The following PTBP2 variants were observed in gnomAD, a reference collection of about 807,000 sequenced individuals.
PTBP2 encodes polypyrimidine tract-binding protein 2.
PTBP2 carries 13 observed loss-of-function variants against 61.4 expected under a neutral mutation model. The ratio of observed to expected loss-of-function variants is 0.21; its 90% CI spans 0.14 to 0.34. PTBP2 has a LOEUF of 0.34. Ranked by LOEUF, PTBP2 falls within the 10% of genes least tolerant of loss-of-function variation. The pLI is 1.00. For missense variants in PTBP2, 405 were observed against 642.6 expected (o/e 0.63, Z 4.00); for synonymous variants, 215 against 218.5 (o/e 0.98, Z 0.14).
chr1:96,754,028 A>G (rs533677937), intron 3 of PTBP2, among the ~76,000 whole-genome samples: 5 of 152,306 alleles, frequency 3.3e-5, no homozygotes, highest in Admixed American at 2.6e-4. Flanking sequence ...TGAATAAAAT[A>G]TATCAACTTA....
chr1:96,781,875 C>T (rs1480384254), intron 7 of PTBP2, among the ~76,000 whole-genome samples: 1 of 151,892 alleles, frequency 6.6e-6, no homozygotes, highest in African/African-American at 2.4e-5. Context: ...AAGAAAACAC[C>T]TTAATACCTT....
chr1:96,751,542 G>C (rs759270696), intron 3 of PTBP2, 42 bp downstream of exon 3: 1 of 1,467,034 alleles, frequency 6.8e-7, no homozygotes, highest in South Asian at 1.2e-5. Flanking sequence ...TGCCATTTTA[G>C]GGGGCAGAAT....
intron 5 of PTBP2, among the ~76,000 whole-genome samples, chr1:96,774,742 CCAGTACGTAT>C (rs1240734632): frequency 6.6e-6 from 1 of 152,130 alleles, no homozygotes; most frequent in East Asian, 1.9e-4. Context: ...GCTAGTACAG[CCAGTACGTAT>C]CTTTCTCAAA....
At chr1:96,739,688 G>A (rs940492569) in intron 2 of PTBP2, among the ~76,000 whole-genome samples, 1 of 142,214 alleles carries the variant, frequency 7.0e-6, no homozygotes, top group South Asian at 2.3e-4. Flanking sequence ...GTGCAGTGGC[G>A]CGATCTCTGC....
At chr1:96,754,761 T>C (rs1654966479) in intron 3 of PTBP2, among the ~76,000 whole-genome samples, 2 of 152,180 alleles carry the variant, frequency 1.3e-5, no homozygotes, top group Non-Finnish European at 1.5e-5. Flanking sequence ...GGAGAAAAAG[T>C]AGACTTCCAA....
intron 2 of PTBP2, 71 bp from the exon 3 acceptor site, chr1:96,751,354 A>T: frequency 3.4e-6 from 4 of 1,188,642 alleles, no homozygotes; most frequent in South Asian, 2.5e-5. Flanking sequence ...TTGACATTTA[A>T]GTGAAAGGCT....
In PTBP2 at chr1:96,721,790, C is replaced by T; in HGVS notation, c.-75C>T. ...GCAATTTCCGTCGGGCCCCAGCCGC[C>T]ATTTTCTCGCCGCTTGTGTGGCTCG... On this transcript the variant is annotated 5_prime_UTR_variant, in exon 1 of 14. Transcript: ENST00000674951. 5.8e-6 allele frequency: 9 copies of T among 1,544,444 alleles called. No homozygotes were observed. Among genetic ancestry groups the T allele is most frequent in the Non-Finnish European group, 7.9e-6 (9 of 1,142,446 alleles).
At chr1:96,749,249 A>C (rs1177896321) in intron 2 of PTBP2, among the ~76,000 whole-genome samples, 1 of 152,162 alleles carries the variant, frequency 6.6e-6, no homozygotes, top group East Asian at 1.9e-4. Context: ...TCGTCTTCCA[A>C]AGTTACTTGT....
chr1:96,763,341 C>T (rs913495162), intron 3 of PTBP2, among the ~76,000 whole-genome samples: 8 of 152,154 alleles, frequency 5.3e-5, no homozygotes, highest in East Asian at 1.9e-4. Context: ...CTCGGGAGGC[C>T]GAGGCTGGCG....
chr1:96,759,799 AT>A (rs1436787096), intron 3 of PTBP2, among the ~76,000 whole-genome samples: 3 of 152,198 alleles, frequency 2.0e-5, no homozygotes, highest in African/African-American at 7.2e-5. Context: ...GTATTAGTCC[AT>A]TTTCATGCTG....
intron 9 of PTBP2, among the ~76,000 whole-genome samples, chr1:96,805,307 TTG>T (rs1205725176): frequency 6.6e-6 from 1 of 152,206 alleles, no homozygotes; most frequent in Non-Finnish European, 1.5e-5. Flanking sequence ...TTCTAATTAT[TTG>T]CTTGTTCATT....
intron 2 of PTBP2, among the ~76,000 whole-genome samples, chr1:96,738,404 G>C (rs1268291669): frequency 6.6e-6 from 1 of 152,042 alleles, no homozygotes; most frequent in African/African-American, 2.4e-5. Flanking sequence ...CTCCCGAGTA[G>C]CTGGGACTGC....
chr1:96,809,694 A>T (rs946770895), intron 11 of PTBP2, among the ~76,000 whole-genome samples: 5 of 152,060 alleles, frequency 3.3e-5, no homozygotes, highest in Middle Eastern at 3.2e-3. Flanking sequence ...TATTATTATT[A>T]TTTTTTGTAG....
At chr1:96,744,940 T>A (rs1653551459) in intron 2 of PTBP2, among the ~76,000 whole-genome samples, 1 of 152,210 alleles carries the variant, frequency 6.6e-6, no homozygotes, top group Non-Finnish European at 1.5e-5. Context: ...ATGTTTTATG[T>A]CTGTTTTCAG....
chr1:96,795,069 G>T (rs2101123161), intron 8 of PTBP2, among the ~76,000 whole-genome samples: 1 of 152,208 alleles, frequency 6.6e-6, no homozygotes. Context: ...TTAGATGTTT[G>T]GCTTTTTTCA....
At chr1:96,728,821 T>C (rs1489599245) in intron 2 of PTBP2, among the ~76,000 whole-genome samples, 1 of 152,008 alleles carries the variant, frequency 6.6e-6, no homozygotes, top group Non-Finnish European at 1.5e-5. Flanking sequence ...AAGCATTTTT[T>C]TTTTTTTTTT....
At chr1:96,726,881 C>G (rs886520581) in intron 2 of PTBP2, among the ~76,000 whole-genome samples, 1 of 152,118 alleles carries the variant, frequency 6.6e-6, no homozygotes, top group Admixed American at 6.5e-5. Context: ...CCGCGTCCGG[C>G]CCATATCTTG....
intron 8 of PTBP2, among the ~76,000 whole-genome samples, chr1:96,795,522 A>G (rs910674460): frequency 5.3e-5 from 8 of 152,180 alleles, no homozygotes; most frequent in Non-Finnish European, 1.0e-4. Flanking sequence ...AGGTATAAGA[A>G]AGCAAGAGGA....
In PTBP2 at chr1:96,813,325, C is replaced by G; in HGVS notation, c.1516C>G (p.Gln506Glu). 1.2e-6 allele frequency: 2 copies of G among 1,609,264 alleles called. No homozygotes were observed. Among genetic ancestry groups the G allele is most frequent in the Non-Finnish European group, 1.7e-6 (2 of 1,177,956 alleles). ...GATGGCAACAGTGGAAGAAGCTATT[C>G]AGGCCTTGATTGATCTTCATAATTA... ...LQMATVEEAIQALIDLHNYNL... is the reference protein window; with the variant it reads ...LQMATVEEAIEALIDLHNYNL... Residue 506 changes from glutamine (Q) to glutamate (E), a missense_variant, in exon 14 of 14, where the codon CAG becomes GAG. Gln to Glu is a conservative substitution (Grantham distance 29, BLOSUM62 2). This residue lies in a region of PTBP2 where 21 missense variants were observed against 54.1 expected (regional missense o/e 0.39). Coordinates refer to ENST00000674951, the MANE Select transcript of PTBP2 (RefSeq NM_021190.4).
Sources: gnomAD v4.1 joint callset for allele counts (sites outside exome capture counted in the v4.1 genomes callset) on GRCh38, gnomAD v4.1.1 for gene constraint, gnomAD v4.1.1 regional missense constraint, MANE v1.5 for transcripts, NCBI Gene and HGNC (gene_info 2026-07-23, HGNC 2026-07-21) for gene names.